ZNF397: variants seen among roughly 807,000 people sequenced by gnomAD.
The protein encoded by ZNF397 is zinc finger protein 397.
A neutral mutation model predicts 50.6 loss-of-function variants in ZNF397; 38 were observed. The ratio of observed to expected loss-of-function variants is 0.75; its 90% CI spans 0.58 to 0.98. The LOEUF is 0.98. Among genes scored for constraint, ZNF397 ranks in the 50% least tolerant of loss-of-function variants. ZNF397 has a pLI of 0.00. For missense variants in ZNF397, 624 were observed against 624.1 expected (o/e 1.00, Z 0.00); for synonymous variants, 228 against 215.2 (o/e 1.06, Z -0.52).
chr18:35,256,515 C>T (rs1245369233), intron 5 of ZNF397, among the ~76,000 whole-genome samples: 2 of 151,250 alleles, frequency 1.3e-5, no homozygotes, highest in African/African-American at 4.9e-5. Flanking sequence ...GAACCAAGAT[C>T]ACACCACTGC....
chr18:35,242,288 T>G, intron 1 of ZNF397, 103 bp from the exon 2 acceptor site: 1 of 543,042 alleles, frequency 1.8e-6, no homozygotes, highest in Non-Finnish European at 3.2e-6. Flanking sequence ...TAGCCCCAAA[T>G]CTACTCCCTT....
At chr18:35,252,138 T>C (rs2143636000), downstream of ZNF397, 1 of 152,352 alleles carries the variant, frequency 6.6e-6, no homozygotes, top group African/African-American at 2.4e-5. Context: ...TCCCCATGTG[T>C]TGCTTTTCCT....
In ZNF397 at chr18:35,246,136, G is replaced by A. The variant is rs1354618309; in HGVS notation, c.1431G>A (p.Gly477=). The change falls in exon 4 of 4, where the codon GGG becomes GGA. Residue 477 remains glycine (G), a synonymous_variant. Transcript: ENST00000330501. ...NLIRHQRIHS[G]EEPYQCNECG... The stretch of plus-strand genomic sequence containing the variant: ...TCAGACATCAGAGAATTCATAGTGG[G>A]GAGGAACCTTATCAGTGTAATGAAT... 3.9e-6 allele frequency: 6 copies of A among 1,551,226 alleles called. No homozygotes were observed. Among genetic ancestry groups the A allele is most frequent in the Admixed American group, 3.9e-5 (2 of 50,984 alleles).
chr18:35,242,884 G>A lies in ZNF397; in HGVS notation c.414G>A (p.Gln138=), dbSNP rs1912622341. ...GGGAGTTTGATGACCCAGGGCAGCAGGTGGGAACGGAGAAAAGTGATGTGG... is the reference window on the plus strand; with the variant it reads ...GGGAGTTTGATGACCCAGGGCAGCAAGTGGGAACGGAGAAAAGTGATGTGG... ...LEREFDDPGQ[Q]VPASPQGPAV... The change falls in exon 2 of 4, where the codon CAG becomes CAA. Residue 138 remains glutamine, a splice_region_variant and synonymous_variant. Coordinates refer to ENST00000330501, the MANE Select transcript of ZNF397 (RefSeq NM_001135178.3). The A allele has an allele frequency of 1.3e-6, 2 of 1,598,424 alleles. No individual in the cohort carries two copies. The highest frequency in any genetic ancestry group is 1.3e-5 in the African/African-American group (1 of 74,172).
Position 35,247,301 on chromosome 18 carries a change from T to G in ZNF397, c.*991T>G, listed in dbSNP as rs571250717. 2.2e-6 allele frequency: 1 copy of G among 446,578 alleles called. No individual in the cohort carries two copies. Among genetic ancestry groups the G allele is most frequent in the African/African-American group, 2.1e-5 (1 of 47,054 alleles). 27.7% of individuals were successfully genotyped at this position (446,578 alleles called of 1,614,324 possible). On this transcript the variant is annotated 3_prime_UTR_variant, in exon 4 of 4. Transcript: ENST00000330501. ...TGTGACCCCAGGGAAAGGGCAAATATGTGGTTTCCTTGCCCAACCTGTAGG... is the reference window on the plus strand; with the variant it reads ...TGTGACCCCAGGGAAAGGGCAAATAGGTGGTTTCCTTGCCCAACCTGTAGG...
chr18:35,243,103 T>G (rs747093582), intron 2 of ZNF397, 49 bp from the exon 3 acceptor site: 1 of 1,610,090 alleles, frequency 6.2e-7, no homozygotes, highest in South Asian at 1.1e-5. Context: ...ACTAAGCAAG[T>G]TTTCTTAGGG....
chr18:35,246,293 G>C lies in ZNF397; in HGVS notation c.1588G>C (p.Val530Leu). ...ATCGGTCCTTATGCGCCATCAAAGA[G>C]TCCACACTATAAAGTAATTTGTGAA... ...HRSVLMRHQR[V>L]HTIK The change falls in exon 4 of 4, where the codon GTC (valine) becomes CTC (leucine). Residue 530 changes from valine to leucine, a missense_variant. By Grantham distance (32) the Val-to-Leu change is conservative. Transcript: ENST00000330501. The C allele has an allele frequency of 6.5e-7, 1 of 1,543,686 alleles. No individual in the cohort carries two copies. Among genetic ancestry groups the C allele is most frequent in the Non-Finnish European group, 8.7e-7 (1 of 1,144,376 alleles).
In ZNF397 at chr18:35,246,548, T is replaced by C. The variant is rs995630926; in HGVS notation, c.*238T>C. 2 of 1,288,524 alleles carry C rather than the reference T, an allele frequency of 1.6e-6. No individual in the cohort carries two copies. The highest frequency in any genetic ancestry group is 3.1e-5 in the African/African-American group (2 of 65,408). 79.8% of individuals were successfully genotyped at this position (1,288,524 alleles called of 1,614,324 possible). On this transcript the variant is annotated 3_prime_UTR_variant, in exon 4 of 4. Coordinates refer to ENST00000330501, the MANE Select transcript of ZNF397 (RefSeq NM_001135178.3). ...CTTCCAGCTCTTCTCTTATTAGGAA[T>C]ACTCAGGAAATACGAAAAGTGGGAA...
rs762031428 is a variant in ZNF397 at position 35,243,310 on chromosome 18, C to A, written c.556+17C>A. 7 of 1,614,056 alleles carry A rather than the reference C, an allele frequency of 4.3e-6. No homozygotes were observed. In the Admixed American group the frequency reaches 1.0e-4, roughly 23 times the overall value. On this transcript the variant is annotated intron_variant, in intron 3 of 3. Transcript: ENST00000330501. ...CTAAAAGTGGTGAGGAATGGGAAAT[C>A]ATCTGGAAACTCTTGACACTTAGGC...
intron 3 of ZNF397, among the ~76,000 whole-genome samples, chr18:35,244,389 AATTAGC>A (rs1382416243): frequency 2.6e-5 from 4 of 152,226 alleles, no homozygotes; most frequent in Non-Finnish European, 5.9e-5. Context: ...TAAAATGCCC[AATTAGC>A]ATAAGACTCT....
chr18:35,251,471 T>G (rs1480543799), downstream of ZNF397: 1 of 152,090 alleles, frequency 6.6e-6, no homozygotes, highest in African/African-American at 2.4e-5. Context: ...GGCCGAATTG[T>G]CCCCCCAATT....
In ZNF397 at chr18:35,243,277, C is replaced by T. The variant is rs1380496757; in HGVS notation, c.540C>T (p.Cys180=). ...CACAGCTGAAATCCTGGAAACCATG[C>T]CTTTCCCCTAAAAGTGGTGAGGAAT... ...LKTQLKSWKP[C]LSPKSDCENS... is the part of the protein sequence containing the mutation. The change falls in exon 3 of 4, where the codon TGC becomes TGT. Residue 180 remains cysteine, a synonymous_variant. Coordinates refer to ENST00000330501, the MANE Select transcript of ZNF397 (RefSeq NM_001135178.3). 1.2e-6 allele frequency: 2 copies of T among 1,614,200 alleles called. No individual in the cohort carries two copies. Among genetic ancestry groups the T allele is most frequent in the Non-Finnish European group, 8.5e-7 (1 of 1,180,042 alleles).
Position 35,242,619 on chromosome 18 carries a change from G to C in ZNF397, c.149G>C (p.Arg50Pro), listed in dbSNP as rs773347021. The C allele has an allele frequency of 6.2e-7, 1 of 1,614,170 alleles. No individual in the cohort carries two copies. Among genetic ancestry groups the C allele is most frequent in the Non-Finnish European group, 8.5e-7 (1 of 1,180,032 alleles). The part of the protein sequence containing the change: ...GSTQSCQELF[R>P]QQFRKFCYQE... ...ACTCAATCCTGCCAAGAATTGTTTC[G>C]TCAGCAATTCAGAAAATTTTGCTAC... Residue 50 changes from arginine (R) to proline (P), a missense_variant, in exon 2 of 4, where the codon CGT becomes CCT. Physicochemically the swap from Arg to Pro is moderately radical, Grantham distance 103. Transcript: ENST00000330501.
In ZNF397 at chr18:35,245,620, A is replaced by C; in HGVS notation, c.915A>C (p.Arg305Ser). 1 of 1,554,644 alleles carries C rather than the reference A, an allele frequency of 6.4e-7. No homozygotes were observed. Among genetic ancestry groups the C allele is most frequent in the Non-Finnish European group, 8.7e-7 (1 of 1,148,496 alleles). The change falls in exon 4 of 4, where the codon AGA becomes AGC. Residue 305 changes from arginine to serine, a missense_variant. Coordinates refer to ENST00000330501, the MANE Select transcript of ZNF397 (RefSeq NM_001135178.3). ...ATTCCTCTCTAACACAACATCAGAG[A>C]ATCCATACTGGAGAAAAGCCCTATA... ...KQHSSLTQHQ[R>S]IHTGEKPYKC...
chr18:35,253,496 T>C, downstream of ZNF397: 1 of 1,608,486 alleles, frequency 6.2e-7, no homozygotes, highest in Non-Finnish European at 8.5e-7. Context: ...GCCTGACCTA[T>C]GCCTAAATGT....
chr18:35,242,489 G>C lies in ZNF397; in HGVS notation c.19G>C (p.Val7Leu), dbSNP rs776898455. 8.1e-6 allele frequency: 13 copies of C among 1,612,840 alleles called. No individual in the cohort carries two copies. The highest frequency in any genetic ancestry group is 1.0e-5 in the Non-Finnish European group (12 of 1,179,184). The part of the protein sequence containing the change: MAVESG[V>L]ISTLIPQDPP... The stretch of plus-strand genomic sequence containing the variant: ...GCCAAGAATGGCTGTGGAATCTGGA[G>C]TGATTTCAACCCTGATACCTCAGGA... Residue 7 changes from valine (V) to leucine (L), a missense_variant, in exon 2 of 4, where the codon GTG becomes CTG. Physicochemically the swap from Val to Leu is conservative, Grantham distance 32. Transcript: ENST00000330501.
In ZNF397 at chr18:35,246,659, A is replaced by T; in HGVS notation, c.*349A>T. On this transcript the variant is annotated 3_prime_UTR_variant, in exon 4 of 4. Transcript: ENST00000330501. The stretch of plus-strand genomic sequence containing the variant: ...CACTGCATCTGATTGTTAGTGTGCC[A>T]GGTTATGGGGCTGGTGTGGACTGTG... 9.6e-7 allele frequency: 1 copy of T among 1,037,888 alleles called. No homozygotes were observed. Among genetic ancestry groups the T allele is most frequent in the Non-Finnish European group, 1.2e-6 (1 of 862,738 alleles). 64.3% of individuals were successfully genotyped at this position (1,037,888 alleles called of 1,614,324 possible).
At chr18:35,254,935 T>A (rs781095089) in intron 5 of ZNF397, 228 of 156,548 alleles carry the variant, frequency 1.5e-3, no homozygotes, top group Middle Eastern at 3.2e-3. Context: ...ATTAAATAAT[T>A]ATAAGCAAAT....
chr18:35,252,773 A>G (rs1569055614), downstream of ZNF397: 3 of 152,280 alleles, frequency 2.0e-5, no homozygotes, highest in Admixed American at 6.5e-5. Flanking sequence ...TGCATATCCT[A>G]TTAGCCCTTA....
Sources: allele counts gnomAD v4.1 joint callset (sites outside exome capture counted in the v4.1 genomes callset), GRCh38; gene constraint gnomAD v4.1.1; transcripts MANE v1.5; gene names NCBI Gene and HGNC (gene_info 2026-07-23, HGNC 2026-07-21).